Variants in PTPDC1 observed in about 807,000 individuals in gnomAD.
The protein encoded by PTPDC1 is protein tyrosine phosphatase domain-containing protein 1.
Under a neutral mutation model 75.3 loss-of-function variants are expected in PTPDC1, and 53 were observed. The observed-to-expected ratio is 0.70, with a 90% CI of 0.56 to 0.88. PTPDC1 has a LOEUF of 0.88. Among genes scored for constraint, PTPDC1 ranks in the 40% least tolerant of loss-of-function variants. The pLI, the probability that PTPDC1 is intolerant of heterozygous loss-of-function variation, is 0.00. For missense variants in PTPDC1, 925 were observed against 998.6 expected (o/e 0.93, Z 0.99); for synonymous variants, 349 against 366.2 (o/e 0.95, Z 0.54).
At chr9:94,083,564 G>T (rs998604483), upstream of PTPDC1, among the ~76,000 whole-genome samples, 16 of 152,200 alleles carry the variant, frequency 1.1e-4, no homozygotes, top group Non-Finnish European at 2.1e-4. Context: ...AGCAAGCGAG[G>T]GCGCAGCCTG....
At chr9:94,091,118 G>A (rs1827300212) in intron 4 of PTPDC1, among the ~76,000 whole-genome samples, 1 of 151,424 alleles carries the variant, frequency 6.6e-6, no homozygotes. Flanking sequence ...CCAACACTAT[G>A]TTGAATAGGA....
chr9:94,045,572 A>G (rs1336627155), intron 1 of PTPDC1, among the ~76,000 whole-genome samples: 1 of 151,904 alleles, frequency 6.6e-6, no homozygotes, highest in Non-Finnish European at 1.5e-5. Context: ...TGTGGTTTTG[A>G]TTTGCATTTC....
At chr9:94,039,613 G>A (rs1020260035) in intron 1 of PTPDC1, among the ~76,000 whole-genome samples, 8 of 152,104 alleles carry the variant, frequency 5.3e-5, no homozygotes, top group African/African-American at 1.9e-4. Context: ...GTGAGACCTT[G>A]TCTCTACAAA....
At chr9:94,090,296 A>G (rs1339912595) in intron 4 of PTPDC1, among the ~76,000 whole-genome samples, 6 of 116,972 alleles carry the variant, frequency 5.1e-5, no homozygotes, top group African/African-American at 1.8e-4. Flanking sequence ...CTTTCTACGT[A>G]TGGCTAGCCA....
In PTPDC1 at chr9:94,101,696, A is replaced by C; in HGVS notation, c.2144A>C (p.Asp715Ala). Residue 715 changes from aspartate (D) to alanine (A), a missense_variant, in exon 7 of 9, where the codon GAC (aspartate) becomes GCC (alanine). Asp to Ala is a moderately radical substitution (Grantham distance 126). Transcript: ENST00000620992. ...CCTGTAATCACCAAAGAGGATGTGG[A>C]CATGTTGGTTGACAGGCGAGCAGAT... ...KEPVITKEDV[D>A]MLVDRRADAA... 1 of 1,613,222 alleles carries C rather than the reference A, an allele frequency of 6.2e-7. No homozygotes were observed. Among genetic ancestry groups the C allele is most frequent in the South Asian group, 1.1e-5 (1 of 90,994 alleles).
chr9:94,101,782 G>C (rs367942437), intron 7 of PTPDC1, 31 bp downstream of exon 7: 8 of 1,344,278 alleles, frequency 6.0e-6, no homozygotes, highest in Non-Finnish European at 8.1e-6. Context: ...GTTAATGACT[G>C]TAACTGAGGC....
At chr9:94,062,119 C>G (rs1424188262) in intron 1 of PTPDC1, among the ~76,000 whole-genome samples, 2 of 152,156 alleles carry the variant, frequency 1.3e-5, no homozygotes, top group Non-Finnish European at 2.9e-5. Flanking sequence ...TGTTTTGCTG[C>G]TTAGAAATTT....
chr9:94,104,340 T>C lies in PTPDC1; in HGVS notation c.2265T>C (p.Asp755=), dbSNP rs1302879451. ...TGAACCTGCAGACAATTCCCGTGGA[T>C]GTGGAGGAAGCTTTCCTTGCCCATG... is the stretch of plus-strand genomic sequence containing the variant. ...CIVNLQTIPV[D]VEEAFLAHAI... Residue 755 remains aspartate (D), a synonymous_variant, in exon 8 of 9, where the codon GAT becomes GAC. Coordinates refer to ENST00000620992, the MANE Select transcript of PTPDC1 (RefSeq NM_001253829.2). The C allele has an allele frequency of 6.2e-7, 1 of 1,613,828 alleles. No individual in the cohort carries two copies. The highest frequency in any genetic ancestry group is 8.5e-7 in the Non-Finnish European group (1 of 1,179,844).
chr9:94,109,194 C>T lies in PTPDC1; in HGVS notation c.*1250C>T, dbSNP rs922809954. The T allele has an allele frequency of 2.6e-5, 4 of 152,182 alleles. No individual in the cohort carries two copies. The highest frequency in any genetic ancestry group is 1.9e-4 in the East Asian group (1 of 5,186). The allele number at this position is 152,182 out of a possible 1,614,324, so 9.4% of individuals were successfully genotyped here. On this transcript the variant is annotated 3_prime_UTR_variant, in exon 9 of 9. Transcript: ENST00000620992. ...CCATACTTTTATTTAAATTAATATACGTAGATACCAGAGGCCAAGCCACAG... is the reference window on the plus strand; with the variant it reads ...CCATACTTTTATTTAAATTAATATATGTAGATACCAGAGGCCAAGCCACAG...
intron 7 of PTPDC1, among the ~76,000 whole-genome samples, chr9:94,103,106 A>G (rs1439054748): frequency 1.3e-5 from 2 of 152,036 alleles, no homozygotes; most frequent in Admixed American, 1.3e-4. Context: ...ATACACAGAC[A>G]TGTGCGTGCC....
chr9:94,045,924 T>C (rs1353020859), intron 1 of PTPDC1, among the ~76,000 whole-genome samples: 11 of 152,338 alleles, frequency 7.2e-5, no homozygotes, highest in Admixed American at 1.3e-4. Flanking sequence ...TTGCTCATGC[T>C]TATGTCCTGA....
At chr9:94,045,293 G>A (rs1424308750) in intron 1 of PTPDC1, among the ~76,000 whole-genome samples, 4 of 151,866 alleles carry the variant, frequency 2.6e-5, no homozygotes, top group East Asian at 1.9e-4. Flanking sequence ...CAATAGTGCC[G>A]CAGTAAACAT....
chr9:94,074,618 A>T (rs755370303), intron 2 of PTPDC1, among the ~76,000 whole-genome samples: 108 of 151,982 alleles, frequency 7.1e-4, no homozygotes, highest in Non-Finnish European at 1.2e-3. Context: ...TCAGCTCCCC[A>T]CTGGACCCCA....
rs149606330 is a variant in PTPDC1, at chr9:94,085,339, G to A, written c.333G>A (p.Ala111=). Residue 111 remains alanine (A), a synonymous_variant, in exon 2 of 9, where the codon GCG becomes GCA. Transcript: ENST00000620992. ...CTGGACACATGGCATGTTCCATGGC[G>A]TGTGGCGGTAGAGCTTGCAAGTATG... ...VIPGHMACSM[A]CGGRACKYEN... 3.0e-4 allele frequency: 477 copies of A among 1,614,164 alleles called. 1 individual carries two copies. The African/African-American group carries it at 5.5e-3, about 19-fold the overall frequency.
intron 1 of PTPDC1, among the ~76,000 whole-genome samples, chr9:94,045,004 C>G (rs1825548085): frequency 9.7e-6 from 1 of 102,686 alleles, no homozygotes; most frequent in South Asian, 4.7e-4. Context: ...TCCCCCCACC[C>G]CACAACAGTT....
rs79597990 is a variant in PTPDC1, at chr9:94,085,563, C to T, written c.416+141C>T. 2,782 of 810,394 alleles carry T rather than the reference C, an allele frequency of 3.4e-3. 55 individuals are homozygous for T. In the African/African-American group the frequency reaches 0.043, roughly 12 times the overall value. 50.2% of individuals were successfully genotyped at this position (810,394 alleles called of 1,614,324 possible). A position where few individuals can be genotyped will look rare whatever the true frequency, so the allele number is the denominator to read the frequency against. On this transcript the variant is annotated intron_variant, in intron 2 of 8. Transcript: ENST00000620992. ...ACTTTGCCAGTCAGTTCTGGCTTTG[C>T]CTTAGCTGTGTGATCTTGGCCTATT... is the stretch of plus-strand genomic sequence containing the variant.
chr9:94,068,151 C>T (rs575491736), intron 2 of PTPDC1, among the ~76,000 whole-genome samples: 1 of 152,162 alleles, frequency 6.6e-6, no homozygotes, highest in South Asian at 2.1e-4. Flanking sequence ...GATTGTCTTG[C>T]TTTTTGTGAT....
intron 1 of PTPDC1, chr9:94,064,731 C>T (rs2117869305): frequency 6.2e-7 from 1 of 1,608,312 alleles, no homozygotes; most frequent in East Asian, 2.2e-5. Flanking sequence ...TTTTTTCCAA[C>T]AGACTACCAT....
chr9:94,098,533 A>T lies in PTPDC1; in HGVS notation c.1967A>T (p.Glu656Val). 6.2e-7 allele frequency: 1 copy of T among 1,614,188 alleles called. No homozygotes were observed. The highest frequency in any genetic ancestry group is 8.5e-7 in the Non-Finnish European group (1 of 1,180,036). ...GCCAAAGCCCTAGCAAATTTAAATG[A>T]ATCTGTAGAAAAGGAGGAACTAAAA... Reference protein sequence around the residue: ...LAAKALANLNESVEKEELKRK... With the variant: ...LAAKALANLNVSVEKEELKRK... Residue 656 changes from glutamate (E) to valine (V), a missense_variant, in exon 6 of 9, where the codon GAA becomes GTA. Coordinates refer to ENST00000620992, the MANE Select transcript of PTPDC1 (RefSeq NM_001253829.2).
Sources: allele counts gnomAD v4.1 joint callset (sites outside exome capture counted in the v4.1 genomes callset), GRCh38; gene constraint gnomAD v4.1.1; transcripts MANE v1.5; gene names NCBI Gene and HGNC (gene_info 2026-07-23, HGNC 2026-07-21).